Variants in NPR1 observed in about 807,000 individuals in gnomAD.
NPR1 encodes natriuretic peptide receptor 1.
NPR1 carries 57 observed loss-of-function variants against 116.9 expected under a neutral mutation model. That is an observed-to-expected ratio of 0.49 (90% CI 0.39 to 0.61). The LOEUF is 0.61. Ranked by LOEUF, NPR1 falls within the 20% of genes least tolerant of loss-of-function variation. The pLI, the probability that NPR1 is intolerant of heterozygous loss-of-function variation, is 0.00. For synonymous variants in NPR1, 555 were observed against 601.6 expected, an observed-to-expected ratio of 0.92 and a Z score of 1.13; for missense variants, 1,096 against 1,409.8, an observed-to-expected ratio of 0.78 and a Z score of 3.56.
chr1:153,681,350 C>T lies in NPR1; in HGVS notation c.1035+57C>T, dbSNP rs534573687. The T allele has an allele frequency of 7.4e-5, 70 of 944,122 alleles. No homozygotes were observed. In the South Asian group the frequency reaches 8.8e-4, roughly 12 times the overall value. 58.5% of individuals were successfully genotyped at this position (944,122 alleles called of 1,614,324 possible). On this transcript the variant is annotated intron_variant, in intron 3 of 21. Transcript: ENST00000368680. The stretch of plus-strand genomic sequence containing the variant: ...GACCTCCAGCCCCCACTCCATGACC[C>T]TCTGCCAGCCTCCATCCTTCCCTAT...
In NPR1 at chr1:153,683,422, C is replaced by A. The variant is rs552746066; in HGVS notation, c.1310C>A (p.Ser437Ter). Residue 437 changes from serine (S) to a stop codon, truncating the protein, a stop_gained, in exon 6 of 22, where the codon TCG becomes TAG. Transcript: ENST00000368680. LOFTEE classifies it high-confidence loss of function. The part of the protein sequence containing the change: ...NGTSQELVAV[S>*]GRKLNWPLGY... ...ACTTCCCAAGAGCTGGTGGCTGTGT[C>A]GGGGCGCAAACTGAACTGGCCCCTG... The A allele has an allele frequency of 6.2e-7, 1 of 1,614,060 alleles. No homozygotes were observed. The highest frequency in any genetic ancestry group is 8.5e-7 in the Non-Finnish European group (1 of 1,180,026).
In NPR1 at chr1:153,689,370, C is replaced by A; in HGVS notation, c.2688+59C>A. On this transcript the variant is annotated intron_variant, in intron 17 of 21. Coordinates refer to ENST00000368680, the MANE Select transcript of NPR1 (RefSeq NM_000906.4). This position sits in a 1 kb window ranked among gnomAD's most constrained non-coding sequence, Gnocchi z 5.1. ...GCTCAGCATCTGGATCCCACCAGAC[C>A]TGCCTTCTGGTTCTGCTTTACCCAC... The A allele has an allele frequency of 6.2e-7, 1 of 1,613,582 alleles. No individual in the cohort carries two copies. The highest frequency in any genetic ancestry group is 1.7e-5 in the Admixed American group (1 of 60,026).
In NPR1 at chr1:153,683,441, GC is replaced by G; in HGVS notation, c.1333del (p.Leu445TrpfsTer43). ...VAVSGRKLNWPLGYPPPDIPK... is the reference protein window; with the variant it reads ...VAVSGRKLNWXLGYPPPDIPK... Reference sequence around the variant, plus strand: ...CTGTGTCGGGGCGCAAACTGAACTGGCCCCTGGGGTACCCTCCTCCTGACAT... The same window carrying G: ...CTGTGTCGGGGCGCAAACTGAACTGGCCCTGGGGTACCCTCCTCCTGACAT... On this transcript the variant is annotated frameshift_variant, in exon 6 of 22. Transcript: ENST00000368680. LOFTEE classifies it high-confidence loss of function. 1 of 1,614,164 alleles carries G rather than the reference GC, an allele frequency of 6.2e-7. No individual in the cohort carries two copies. Among genetic ancestry groups the G allele is most frequent in the Non-Finnish European group, 8.5e-7 (1 of 1,180,032 alleles).
In NPR1 at chr1:153,681,715, C is replaced by T; in HGVS notation, c.1047C>T (p.Ile349=). The T allele has an allele frequency of 1.2e-6, 2 of 1,613,992 alleles. No homozygotes were observed. Among genetic ancestry groups the T allele is most frequent in the South Asian group, 2.2e-5 (2 of 91,058 alleles). The change falls in exon 4 of 22, where the codon ATC becomes ATT. Residue 349 remains isoleucine (I), a synonymous_variant. Transcript: ENST00000368680. The stretch of plus-strand genomic sequence containing the variant: ...GTTTGCCCCTACAGGTGAACACCAT[C>T]CCAGCATCCTTCCACGACGGGCTCC... ...FTMEDGLVNT[I]PASFHDGLLL...
At chr1:153,691,755 T>C (rs1378164847) in intron 20 of NPR1, among the ~76,000 whole-genome samples, 1 of 151,670 alleles carries the variant, frequency 6.6e-6, no homozygotes, top group East Asian at 1.9e-4. Flanking sequence ...AAAAATTAGC[T>C]GGGCGTGGTG....
At chr1:153,682,462 T>C (rs528255169) in intron 4 of NPR1, 36 bp from the exon 5 acceptor site, 2 of 1,523,680 alleles carry the variant, frequency 1.3e-6, no homozygotes, top group South Asian at 1.1e-5. Context: ...GAACTTCTAT[T>C]CTCTCAAACA....
rs115938602 is a variant in NPR1, at chr1:153,683,752, C to A, written c.1412C>A (p.Thr471Asn). ...DPACNQDHLS[T>N]LEVLALVGSL... ...CTCTCTCCTGCAGATCACCTTTCCA[C>A]CCTGGAGGTGCTGGCTTTGGTGGGC... The change falls in exon 7 of 22, where the codon ACC becomes AAC. Residue 471 changes from threonine (T) to asparagine (N), a missense_variant. Physicochemically the swap from Thr to Asn is moderately conservative, Grantham distance 65 (BLOSUM62 0). Transcript: ENST00000368680. 3.4e-4 allele frequency: 545 copies of A among 1,614,164 alleles called. 4 individuals are homozygous for A. In the African/African-American group the frequency reaches 6.3e-3, roughly 19 times the overall value.
At position 153,688,079 on chromosome 1, in the gene NPR1, G is replaced by A; in HGVS notation, c.2275G>A (p.Glu759Lys). ...KEIIERVTRGEQPPFRPSLAL... is the reference protein window; with the variant it reads ...KEIIERVTRGKQPPFRPSLAL... ...GATCATCGAGCGGGTGACTCGGGGT[G>A]AGCAGCCCCCCTTCCGGCCCTCCCT... The change falls in exon 15 of 22, where the codon GAG becomes AAG. Residue 759 changes from glutamate to lysine, a missense_variant. Transcript: ENST00000368680. The A allele has an allele frequency of 6.2e-7, 1 of 1,611,532 alleles. No homozygotes were observed.
In NPR1 at chr1:153,683,838, T is replaced by C. The variant is rs1453128297; in HGVS notation, c.1484+14T>C. ...CTTCATATACAGGTGAGCTGTGATG[T>C]GGGGGGTTGAGTGAGGCTGGGGGAC... On this transcript the variant is annotated intron_variant, in intron 7 of 21. Transcript: ENST00000368680. 7.5e-6 allele frequency: 12 copies of C among 1,610,634 alleles called. No homozygotes were observed. The highest frequency in any genetic ancestry group is 9.3e-6 in the Non-Finnish European group (11 of 1,178,486).
chr1:153,680,664 G>C lies in NPR1; in HGVS notation c.885G>C (p.Gly295=), dbSNP rs776498406. 1.1e-5 allele frequency: 18 copies of C among 1,613,784 alleles called. No individual in the cohort carries two copies. The highest frequency in any genetic ancestry group is 1.4e-5 in the Non-Finnish European group (16 of 1,179,916). ...GPAPRRPWER[G]DGQDVSARQA... is the part of the protein sequence containing the mutation. The stretch of plus-strand genomic sequence containing the variant: ...CTCCCCGCAGGCCCTGGGAGAGAGG[G>C]GATGGGCAGGATGTCAGTGCCCGCC... The change falls in exon 2 of 22, where the codon GGG becomes GGC. Residue 295 remains glycine (G), a synonymous_variant. Transcript: ENST00000368680.
Position 153,678,831 on chromosome 1 carries a change from C to T in NPR1, c.-278C>T, listed in dbSNP as rs1669672117. On this transcript the variant is annotated 5_prime_UTR_variant, in exon 1 of 22. Transcript: ENST00000368680. This position sits in a 1 kb window ranked among gnomAD's most constrained non-coding sequence, Gnocchi z 5.8. ...TCTCTCTCTCTAACACGCACGCACA[C>T]TCCCAGTTGTTCACACTCGGGTCCT... 1 of 464,872 alleles carries T rather than the reference C, an allele frequency of 2.2e-6. No individual in the cohort carries two copies. The highest frequency in any genetic ancestry group is 3.8e-6 in the Non-Finnish European group (1 of 266,374). The allele number at this position is 464,872 out of a possible 1,614,324, so 28.8% of individuals were successfully genotyped here. A position where few individuals can be genotyped will look rare whatever the true frequency, so the allele number is the denominator to read the frequency against.
At chr1:153,691,901 GAGAA>G (rs1670118644) in intron 20 of NPR1, among the ~76,000 whole-genome samples, 5 of 151,102 alleles carry the variant, frequency 3.3e-5, no homozygotes, top group African/African-American at 9.8e-5. Flanking sequence ...AAAAAAAAGA[GAGAA>G]AGAAAGAAAA....
In NPR1 at chr1:153,679,824, GC is replaced by G; in HGVS notation, c.718del (p.Arg240GlufsTer87). On this transcript the variant is annotated frameshift_variant, in exon 1 of 22. Transcript: ENST00000368680. LOFTEE classifies it high-confidence loss of function. This position sits in a 1 kb window ranked among gnomAD's most constrained non-coding sequence, Gnocchi z 4.2. ...CTGCTGCGGACCATGCCGCGCAAAG[GC>G]CGAGGTGAGACGCTGGCACACCCCG... is the stretch of plus-strand genomic sequence containing the variant. ...TRLLRTMPRK[G>X]RVIYICSSPD... The G allele has an allele frequency of 6.5e-7, 1 of 1,539,676 alleles. No homozygotes were observed. Among genetic ancestry groups the G allele is most frequent in the Non-Finnish European group, 8.7e-7 (1 of 1,147,346 alleles).
At chr1:153,681,919 A>C in intron 4 of NPR1, 80 bp downstream of exon 4, 2 of 1,546,206 alleles carry the variant, frequency 1.3e-6, no homozygotes, top group South Asian at 2.4e-5. Flanking sequence ...TGAGAAGCCT[A>C]TTGTCCTGCA....
chr1:153,679,229 C>A lies in NPR1; in HGVS notation c.121C>A (p.Leu41Met). ...HAGNLTVAVV[L>M]PLANTSYPWS... Reference sequence around the variant, plus strand: ...GGGCAACCTGACGGTAGCCGTGGTACTGCCGCTGGCCAATACCTCGTACCC... The same window carrying A: ...GGGCAACCTGACGGTAGCCGTGGTAATGCCGCTGGCCAATACCTCGTACCC... Residue 41 changes from leucine (L) to methionine (M), a missense_variant, in exon 1 of 22, where the codon CTG becomes ATG. Coordinates refer to ENST00000368680, the MANE Select transcript of NPR1 (RefSeq NM_000906.4). This position sits in a 1 kb window ranked among gnomAD's most constrained non-coding sequence, Gnocchi z 4.2. 6.6e-7 allele frequency: 1 copy of A among 1,524,948 alleles called. No individual in the cohort carries two copies. The highest frequency in any genetic ancestry group is 1.2e-5 in the South Asian group (1 of 82,758). The allele number at this position is 1,524,948 out of a possible 1,614,324, so 94.5% of individuals were successfully genotyped here. A position where few individuals can be genotyped will look rare whatever the true frequency, so the allele number is the denominator to read the frequency against.
chr1:153,684,228 G>C (rs1425975135), intron 7 of NPR1, among the ~76,000 whole-genome samples: 1 of 152,056 alleles, frequency 6.6e-6, no homozygotes, highest in Non-Finnish European at 1.5e-5. Flanking sequence ...ATGGAGAAGG[G>C]AGCTGAATGA....
At chr1:153,690,468 C>G in intron 20 of NPR1, 86 bp downstream of exon 20, 1 of 940,254 alleles carries the variant, frequency 1.1e-6, no homozygotes. Flanking sequence ...CTGCACAGCC[C>G]GTTTCAGCTC....
At chr1:153,684,348 G>T (rs1366508165) in intron 7 of NPR1, among the ~76,000 whole-genome samples, 2 of 149,644 alleles carry the variant, frequency 1.3e-5, no homozygotes, top group Non-Finnish European at 3.0e-5. Flanking sequence ...AGCATATAAT[G>T]TGTGCCAGGC....
intron 19 of NPR1, 88 bp downstream of exon 19, chr1:153,690,068 ATCTCTCTCTC>A (rs1189924933): frequency 0.059 from 40,266 of 679,434 alleles, 1,116 homozygotes; most frequent in African/African-American, 0.24. Flanking sequence ...TCGCCCTTTC[ATCTCTCTCTC>A]TCTCTCTCTC....
Sources: allele counts gnomAD v4.1 joint callset (sites outside exome capture counted in the v4.1 genomes callset), GRCh38; gene constraint gnomAD v4.1.1; non-coding constraint Gnocchi (gnomAD v3.1); transcripts MANE v1.5; gene names NCBI Gene and HGNC (gene_info 2026-07-23, HGNC 2026-07-21).